Variants in PCDH7 observed in about 807,000 individuals in gnomAD.
PCDH7 encodes protocadherin 7.
In PCDH7, 17 loss-of-function variants were observed where a neutral mutation model predicts 58.9. The observed-to-expected ratio is 0.29, with a 90% CI of 0.20 to 0.43. PCDH7 has a LOEUF of 0.43. PCDH7 is among the 20% of genes least tolerant of loss of function. PCDH7 has a pLI of 1.00. For synonymous variants in PCDH7, 664 were observed against 616.4 expected, an observed-to-expected ratio of 1.08 and a Z score of -1.14; for missense variants, 1,274 against 1,441.0, an observed-to-expected ratio of 0.88 and a Z score of 1.88.
intron 1 of PCDH7, among the ~76,000 whole-genome samples, chr4:30,730,226 A>G (rs1252518907): frequency 6.6e-6 from 1 of 152,050 alleles, no homozygotes; most frequent in African/African-American, 2.4e-5. Flanking sequence ...CCATTCATTT[A>G]TTTACTATGA....
intron 3 of PCDH7, among the ~76,000 whole-genome samples, chr4:31,068,938 T>C (rs1043087807): frequency 6.6e-6 from 1 of 151,996 alleles, no homozygotes; most frequent in African/African-American, 2.4e-5. Context: ...GAGAATAACA[T>C]TTGTTTTAAA....
chr4:30,842,436 A>G (rs1731337473), intron 1 of PCDH7, among the ~76,000 whole-genome samples: 1 of 152,076 alleles, frequency 6.6e-6, no homozygotes, highest in Admixed American at 6.6e-5. Context: ...TGGCAGTCTC[A>G]TGGAACTGGA....
At chr4:31,072,927 A>C (rs16884321) in intron 3 of PCDH7, among the ~76,000 whole-genome samples, 46,842 of 151,936 alleles carry the variant, frequency 0.31, 7,569 homozygotes, top group Middle Eastern at 0.46. Context: ...CAGATAATCA[A>C]AAGGCAGTAT....
chr4:30,903,244 T>A (rs1003146152), intron 1 of PCDH7, among the ~76,000 whole-genome samples: 1 of 152,132 alleles, frequency 6.6e-6, no homozygotes, highest in African/African-American at 2.4e-5. Context: ...TAATATTTTT[T>A]TAACTCAAGT....
chr4:30,810,424 T>C (rs1213050246), intron 1 of PCDH7, among the ~76,000 whole-genome samples: 2 of 80,944 alleles, frequency 2.5e-5, no homozygotes, highest in Non-Finnish European at 4.2e-5. Context: ...ATACATTTCA[T>C]TTTTTAGCTT....
intron 1 of PCDH7, among the ~76,000 whole-genome samples, chr4:30,831,510 A>G (rs942017009): frequency 1.3e-5 from 2 of 152,170 alleles, no homozygotes; most frequent in Non-Finnish European, 2.9e-5. Context: ...AGTCTTGAAC[A>G]TGGGTATTCA....
chr4:31,143,654 A>G (rs1279984741), downstream of PCDH7: 1 of 152,174 alleles, frequency 6.6e-6, no homozygotes, highest in Admixed American at 6.5e-5. Flanking sequence ...CAAGACCACT[A>G]TTATTAACTA....
chr4:30,970,364 G>A (rs140487686), intron 3 of PCDH7, among the ~76,000 whole-genome samples: 1 of 151,252 alleles, frequency 6.6e-6, no homozygotes, highest in African/African-American at 2.4e-5. Context: ...GCACGATCTC[G>A]GCTCACTGCA....
intron 3 of PCDH7, among the ~76,000 whole-genome samples, chr4:31,101,968 C>T (rs778009213): frequency 1.3e-5 from 2 of 152,126 alleles, no homozygotes; most frequent in Non-Finnish European, 2.9e-5. Flanking sequence ...TGAAAAATTT[C>T]ACTTGGCTCT....
Position 30,721,773 on chromosome 4 carries a change from C to A in PCDH7, c.351C>A (p.Ile117=). Residue 117 remains isoleucine (I), a synonymous_variant, in exon 1 of 2, where the codon ATC becomes ATA. Transcript: ENST00000361762. This position sits in a 1 kb window ranked among gnomAD's most constrained non-coding sequence, Gnocchi z 6.7. Reference sequence around the variant, plus strand: ...TCCTGGACTTCGAGGTGTCGGTGATCGGGCCCTCGCAGAGCTGGGTGGACC... The same window carrying A: ...TCCTGGACTTCGAGGTGTCGGTGATAGGGCCCTCGCAGAGCTGGGTGGACC... The A allele has an allele frequency of 6.2e-7, 1 of 1,613,570 alleles. No individual in the cohort carries two copies.
At chr4:30,836,639 G>T (rs562312266) in intron 1 of PCDH7, among the ~76,000 whole-genome samples, 1 of 152,002 alleles carries the variant, frequency 6.6e-6, no homozygotes, top group South Asian at 2.1e-4. Flanking sequence ...TTGCAAAGAG[G>T]AATAGTTTTG....
At chr4:31,070,150 T>C (rs1368126699) in intron 3 of PCDH7, among the ~76,000 whole-genome samples, 1 of 152,078 alleles carries the variant, frequency 6.6e-6, no homozygotes, top group African/African-American at 2.4e-5. Context: ...AAGTAAATTC[T>C]AGAAAAATAT....
At chr4:31,103,498 C>T (rs2109302955) in intron 3 of PCDH7, among the ~76,000 whole-genome samples, 1 of 151,958 alleles carries the variant, frequency 6.6e-6, no homozygotes, top group African/African-American at 2.4e-5. Context: ...CCAAGGCTAG[C>T]CAATTTTTTG....
intron 3 of PCDH7, among the ~76,000 whole-genome samples, chr4:31,013,418 A>G (rs1296121213): frequency 6.6e-6 from 1 of 150,986 alleles, no homozygotes; most frequent in Admixed American, 6.7e-5. Flanking sequence ...ATATACACGT[A>G]TATATATACA....
In PCDH7 at chr4:30,723,113, G is replaced by C. The variant is rs753751668; in HGVS notation, c.1691G>C (p.Ser564Thr). 1 of 1,614,016 alleles carries C rather than the reference G, an allele frequency of 6.2e-7. No individual in the cohort carries two copies. The highest frequency in any genetic ancestry group is 8.5e-7 in the Non-Finnish European group (1 of 1,180,056). ...ACGGTGCTGGCGACAGACGCAGACA[G>C]CGGTAAGAACGCCGAGATCGCCTAC... Residue 564 changes from serine (S) to threonine (T), a missense_variant, in exon 1 of 2, where the codon AGC (serine) becomes ACC (threonine). Physicochemically the swap from Ser to Thr is moderately conservative, Grantham distance 58. Transcript: ENST00000361762. This position sits in a 1 kb window ranked among gnomAD's most constrained non-coding sequence, Gnocchi z 4.6.
At chr4:31,003,742 C>T (rs1752543074) in intron 3 of PCDH7, among the ~76,000 whole-genome samples, 1 of 151,912 alleles carries the variant, frequency 6.6e-6, no homozygotes, top group South Asian at 2.1e-4. Flanking sequence ...CACATCTCTA[C>T]TAAAAATACA....
intron 3 of PCDH7, among the ~76,000 whole-genome samples, chr4:31,139,918 G>A (rs1720043818): frequency 6.6e-6 from 1 of 152,168 alleles, no homozygotes; most frequent in South Asian, 2.1e-4. Flanking sequence ...CTTATTAAAA[G>A]TCATGCTTCT....
At chr4:30,973,579 A>C (rs1560545618) in intron 3 of PCDH7, among the ~76,000 whole-genome samples, 1 of 152,222 alleles carries the variant, frequency 6.6e-6, no homozygotes, top group Admixed American at 6.5e-5. Context: ...TGAATCCATT[A>C]AAAGCAGGGA....
At chr4:30,754,533 G>T (rs900121011) in intron 1 of PCDH7, among the ~76,000 whole-genome samples, 4 of 151,978 alleles carry the variant, frequency 2.6e-5, no homozygotes, top group African/African-American at 7.3e-5. Flanking sequence ...CCCAATACAG[G>T]AAATATTAGT....
Sources: allele counts gnomAD v4.1 joint callset (sites outside exome capture counted in the v4.1 genomes callset), GRCh38; gene constraint gnomAD v4.1.1; non-coding constraint Gnocchi (gnomAD v3.1); transcripts MANE v1.5; gene names NCBI Gene and HGNC (gene_info 2026-07-23, HGNC 2026-07-21).